DNAH14: variants seen among roughly 807,000 people sequenced by gnomAD.
DNAH14 encodes the protein axonemal beta dynein heavy chain 14.
In DNAH14, 478 loss-of-function variants were observed where a neutral mutation model predicts 520.9. That is an observed-to-expected ratio of 0.92 (90% CI 0.85 to 0.99). The LOEUF (loss-of-function observed/expected upper bound fraction) is 0.99, where lower values mean the gene tolerates loss of function less well. Among genes scored for constraint, DNAH14 ranks in the 50% least tolerant of loss-of-function variants. DNAH14 has a pLI of 0.00. For missense variants in DNAH14, 4,831 were observed against 5,234.5 expected (o/e 0.92, Z 2.38); for synonymous variants, 1,581 against 1,757.2 (o/e 0.90, Z 2.51).
intron 10 of DNAH14, among the ~76,000 whole-genome samples, chr1:225,008,911 C>G (rs1475069557): frequency 2.0e-5 from 3 of 151,990 alleles, no homozygotes; most frequent in African/African-American, 4.8e-5. Context: ...TGAATGTCTT[C>G]TTTTGAAAAG....
chr1:225,378,089 A>G (rs1458571781), intron 79 of DNAH14, among the ~76,000 whole-genome samples: 4 of 152,116 alleles, frequency 2.6e-5, no homozygotes, highest in African/African-American at 4.8e-5. Context: ...CCAATCTAAC[A>G]CAAGGTATTA....
At chr1:225,230,933 T>G in intron 41 of DNAH14, 140 bp from the exon 42 acceptor site, 1 of 552,536 alleles carries the variant, frequency 1.8e-6, no homozygotes, top group East Asian at 3.2e-5. Flanking sequence ...GATAAGTTAA[T>G]TCTCAGATAC....
At chr1:225,377,531 G>A (rs771052663) in intron 79 of DNAH14, 95 bp downstream of exon 79, 6 of 1,250,486 alleles carry the variant, frequency 4.8e-6, no homozygotes, top group Non-Finnish European at 6.5e-6. Context: ...AGGCTGAGGT[G>A]GACAGATTGC....
chr1:225,107,198 G>C (rs890208482), intron 23 of DNAH14, among the ~76,000 whole-genome samples: 1 of 152,160 alleles, frequency 6.6e-6, no homozygotes, highest in African/African-American at 2.4e-5. Context: ...AGCAGATATT[G>C]GTGAACAGCA....
chr1:225,033,081 A>C (rs1038721817), intron 11 of DNAH14, among the ~76,000 whole-genome samples: 3 of 152,156 alleles, frequency 2.0e-5, no homozygotes, highest in Non-Finnish European at 4.4e-5. Context: ...CTTAAGTTTA[A>C]TTAGATCCTG....
chr1:225,085,925 T>G, intron 21 of DNAH14, 136 bp downstream of exon 21: 1 of 949,580 alleles, frequency 1.1e-6, no homozygotes, highest in Non-Finnish European at 1.4e-6. Flanking sequence ...AATGAATATT[T>G]ACTAGTTTGA....
At chr1:225,379,641 C>T (rs1351119113) in intron 79 of DNAH14, among the ~76,000 whole-genome samples, 2 of 152,004 alleles carry the variant, frequency 1.3e-5, no homozygotes, top group African/African-American at 4.8e-5. Context: ...GATTCTCGTG[C>T]CTCAGCCTCC....
chr1:225,305,566 C>T (rs1028468752), intron 58 of DNAH14, among the ~76,000 whole-genome samples: 7 of 152,116 alleles, frequency 4.6e-5, no homozygotes, highest in Non-Finnish European at 8.8e-5. Context: ...CATTGAGAAA[C>T]TATCTTATGA....
chr1:225,327,677 C>T (rs917138919), intron 64 of DNAH14, among the ~76,000 whole-genome samples: 3 of 151,250 alleles, frequency 2.0e-5, no homozygotes, highest in African/African-American at 4.9e-5. Flanking sequence ...CAACAAAGAA[C>T]GAACCAAACC....
chr1:225,207,318 A>C (rs1281958227), intron 41 of DNAH14, 98 bp downstream of exon 41: 10 of 1,281,040 alleles, frequency 7.8e-6, no homozygotes, highest in Non-Finnish European at 1.0e-5. Context: ...TTCAAAGAGC[A>C]GGCATTTTTA....
chr1:225,120,631 A>C (rs745507147), intron 26 of DNAH14, among the ~76,000 whole-genome samples: 4 of 152,204 alleles, frequency 2.6e-5, no homozygotes, highest in Admixed American at 6.5e-5. Context: ...AGCAAGATGA[A>C]GTTAGTTGCG....
At chr1:225,133,597 G>T (rs747041457) in intron 27 of DNAH14, among the ~76,000 whole-genome samples, 10 of 152,092 alleles carry the variant, frequency 6.6e-5, no homozygotes. Context: ...GTCTGTTTTT[G>T]TACCAGCACC....
Position 225,276,731 on chromosome 1 carries a change from C to CCA in DNAH14, c.8178+663_8178+664dup, listed in dbSNP as rs529066553. 1.3e-3 allele frequency among the ~76,000 whole-genome samples: 201 copies of CCA among 150,350 alleles called. 3 individuals carry two copies. The highest frequency in any genetic ancestry group is 8.9e-3 in the South Asian group (42 of 4,720). ...TGGTCAACATAATGAAACCCTATCT[C>CCA]CACACACACACACATGCACACACAC... On this transcript the variant is annotated intron_variant, in intron 53 of 85. Coordinates refer to ENST00000682510, the MANE Select transcript of DNAH14 (RefSeq NM_001367479.1).
intron 41 of DNAH14, among the ~76,000 whole-genome samples, chr1:225,218,364 A>T (rs2089653711): frequency 6.6e-6 from 1 of 152,188 alleles, no homozygotes; most frequent in Admixed American, 6.5e-5. Flanking sequence ...AGACTGGCTC[A>T]TTGGATAAAG....
rs374484860 is a variant in DNAH14, at chr1:225,125,509, T to A, written c.4254+1895T>A. On this transcript the variant is annotated intron_variant, in intron 27 of 85. Coordinates refer to ENST00000682510, the MANE Select transcript of DNAH14 (RefSeq NM_001367479.1). Reference sequence around the variant, plus strand: ...AGACAGCTTCTTTCCTTAAATCTCATGAGCCAACTTCTGCTAGCTTTCAAC... The same window carrying A: ...AGACAGCTTCTTTCCTTAAATCTCAAGAGCCAACTTCTGCTAGCTTTCAAC... Among the ~76,000 whole-genome samples the A allele has an allele frequency of 6.6e-5, 10 of 152,356 alleles. No homozygotes were observed. In the East Asian group the frequency reaches 1.3e-3, roughly 21 times the overall value.
At chr1:225,387,040 T>C (rs1299674417) in intron 81 of DNAH14, among the ~76,000 whole-genome samples, 1 of 152,174 alleles carries the variant, frequency 6.6e-6, no homozygotes, top group Non-Finnish European at 1.5e-5. Flanking sequence ...ATATACATCA[T>C]GGAATACTAT....
intron 8 of DNAH14, among the ~76,000 whole-genome samples, chr1:224,989,323 A>G (rs1247641849): frequency 6.6e-6 from 1 of 152,192 alleles, no homozygotes; most frequent in Non-Finnish European, 1.5e-5. Flanking sequence ...TCATTTTATT[A>G]TGAGTAATTA....
chr1:224,975,273 A>C (rs897160656), intron 8 of DNAH14, among the ~76,000 whole-genome samples: 1 of 152,112 alleles, frequency 6.6e-6, no homozygotes, highest in Non-Finnish European at 1.5e-5. Context: ...CTCTTTTTCT[A>C]TTGATTGGAA....
chr1:225,355,621 C>T (rs1184518330), intron 73 of DNAH14, among the ~76,000 whole-genome samples: 1 of 151,958 alleles, frequency 6.6e-6, no homozygotes, highest in Non-Finnish European at 1.5e-5. Context: ...ATAGCAACTT[C>T]CAAGTTTTTA....
Sources: allele counts gnomAD v4.1 joint callset (sites outside exome capture counted in the v4.1 genomes callset), GRCh38; gene constraint gnomAD v4.1.1; transcripts MANE v1.5; gene names NCBI Gene and HGNC (gene_info 2026-07-23, HGNC 2026-07-21).